The following TMEM132B variants were observed in gnomAD, a reference collection of about 807,000 sequenced individuals.
The protein encoded by TMEM132B is transmembrane protein 132B.
Under a neutral mutation model 90.8 loss-of-function variants are expected in TMEM132B, and 18 were observed. The ratio of observed to expected loss-of-function variants is 0.20; its 90% confidence interval spans 0.14 to 0.29. The LOEUF (loss-of-function observed/expected upper bound fraction) is 0.29. Ranked by LOEUF, TMEM132B falls within the 10% of genes least tolerant of loss-of-function variation. TMEM132B has a pLI of 1.00. For synonymous variants in TMEM132B, 504 were observed against 523.3 expected (o/e 0.96, Z 0.50); for missense variants, 1,096 against 1,326.8 (o/e 0.83, Z 2.70).
chr12:125,633,154 T>C (rs1886405517), intron 5 of TMEM132B, among the ~76,000 whole-genome samples: 1 of 152,248 alleles, frequency 6.6e-6, no homozygotes, highest in African/African-American at 2.4e-5. Flanking sequence ...TCAAATAACT[T>C]GTCTTCAAGC....
At chr12:125,360,503 C>T (rs1274873616) in intron 2 of TMEM132B, among the ~76,000 whole-genome samples, 1 of 152,186 alleles carries the variant, frequency 6.6e-6, no homozygotes, top group East Asian at 1.9e-4. Context: ...TCACATTAGA[C>T]ATCGTTAGAC....
At chr12:125,384,737 G>T (rs566490272) in intron 2 of TMEM132B, among the ~76,000 whole-genome samples, 3 of 152,046 alleles carry the variant, frequency 2.0e-5, no homozygotes, top group Admixed American at 6.5e-5. Context: ...TGCAACCTCT[G>T]CCTCCGAAGT....
At chr12:125,575,829 A>G (rs1884929399) in intron 4 of TMEM132B, among the ~76,000 whole-genome samples, 1 of 152,036 alleles carries the variant, frequency 6.6e-6, no homozygotes, top group African/African-American at 2.4e-5. Flanking sequence ...TTCTTTCACC[A>G]TTGAATTATC....
intron 1 of TMEM132B, among the ~76,000 whole-genome samples, chr12:125,260,726 T>A (rs183399234): frequency 1.4e-3 from 210 of 152,302 alleles, no homozygotes; most frequent in Non-Finnish European, 2.2e-3. Context: ...TGGTTTGTTG[T>A]GCTGGTTATA....
rs114151070 is a variant in TMEM132B, at chr12:125,303,264, C to T, written c.68-46188C>T. Among the ~76,000 whole-genome samples the T allele has an allele frequency of 3.7e-3, 561 of 152,172 alleles. 10 individuals are homozygous for T. The highest frequency in any genetic ancestry group is 0.013 in the African/African-American group (528 of 41,518). On this transcript the variant is annotated intron_variant, in intron 1 of 8. Coordinates refer to ENST00000682704, the MANE Select transcript of TMEM132B (RefSeq NM_001366854.1). The stretch of plus-strand genomic sequence containing the variant: ...CACACAATATTTGTCCTTTAGTGTC[C>T]GGCTTCCTATATTTAACATAATGTT...
At chr12:125,470,863 G>A (rs1312018204) in intron 3 of TMEM132B, among the ~76,000 whole-genome samples, 1 of 152,106 alleles carries the variant, frequency 6.6e-6, no homozygotes, top group African/African-American at 2.4e-5. Context: ...CCCTCCTTCA[G>A]CAATCCTGTC....
intron 1 of TMEM132B, among the ~76,000 whole-genome samples, chr12:125,288,762 C>T (rs540830836): frequency 6.6e-6 from 1 of 152,298 alleles, no homozygotes. Flanking sequence ...GCCGGTACCA[C>T]TCACTCCCCA....
intron 1 of TMEM132B, among the ~76,000 whole-genome samples, chr12:125,328,420 T>C (rs1876658177): frequency 6.6e-6 from 1 of 152,214 alleles, no homozygotes; most frequent in Admixed American, 6.5e-5. Context: ...TGTGTTAGTC[T>C]CCTGGGGCAT....
At chr12:125,467,966 A>G (rs746892307) in intron 3 of TMEM132B, among the ~76,000 whole-genome samples, 1 of 151,764 alleles carries the variant, frequency 6.6e-6, no homozygotes, top group South Asian at 2.1e-4. Context: ...ACCTAATATT[A>G]TTCATTTTAT....
At position 125,416,649 on chromosome 12, in the gene TMEM132B, C is replaced by A. The variant is rs554609741; in HGVS notation, c.1106+972C>A. ...TCTCTTCTTGGGTGACCCCAGCCAA[C>A]CCCAGCTAGAACTCTCTTCTGCCTG... On this transcript the variant is annotated intron_variant, in intron 3 of 8. Coordinates refer to ENST00000682704, the MANE Select transcript of TMEM132B (RefSeq NM_001366854.1). 2.0e-5 allele frequency among the ~76,000 whole-genome samples: 3 copies of A among 152,340 alleles called. No homozygotes were observed. The South Asian group carries it at 6.2e-4, about 32-fold the overall frequency.
chr12:125,333,484 T>A (rs1021415506), intron 1 of TMEM132B, among the ~76,000 whole-genome samples: 2 of 152,230 alleles, frequency 1.3e-5, no homozygotes, highest in Non-Finnish European at 2.9e-5. Flanking sequence ...AGTCTGAAGC[T>A]GTTTCAACCT....
At chr12:125,400,444 G>T (rs756343666) in intron 2 of TMEM132B, among the ~76,000 whole-genome samples, 1 of 152,202 alleles carries the variant, frequency 6.6e-6, no homozygotes, top group African/African-American at 2.4e-5. Flanking sequence ...AGCACCAGTT[G>T]TCTGTTTATC....
At chr12:125,203,676 CT>C (rs1873118457) in intron 1 of TMEM132B, among the ~76,000 whole-genome samples, 1 of 152,156 alleles carries the variant, frequency 6.6e-6, no homozygotes. Flanking sequence ...CCATAAAGCA[CT>C]TTAAAATATT....
chr12:125,612,718 T>A (rs1337423512), intron 5 of TMEM132B, among the ~76,000 whole-genome samples: 3 of 143,650 alleles, frequency 2.1e-5, no homozygotes, highest in African/African-American at 7.5e-5. Flanking sequence ...TCTGGCTTTC[T>A]TATGGTTGTT....
At chr12:125,229,242 C>A (rs1256794015) in intron 1 of TMEM132B, among the ~76,000 whole-genome samples, 1 of 152,216 alleles carries the variant, frequency 6.6e-6, no homozygotes, top group Non-Finnish European at 1.5e-5. Context: ...GATAAGGTCA[C>A]CATTTTCTAG....
chr12:125,648,326 C>T (rs116192301), intron 6 of TMEM132B, among the ~76,000 whole-genome samples: 1,570 of 152,058 alleles, frequency 0.01, 33 homozygotes, highest in African/African-American at 0.036. Context: ...GGGTTAAAAG[C>T]GGTCAGGGTA....
At chr12:125,541,135 G>C (rs1371815388) in intron 4 of TMEM132B, among the ~76,000 whole-genome samples, 3 of 152,160 alleles carry the variant, frequency 2.0e-5, no homozygotes, top group Non-Finnish European at 4.4e-5. Flanking sequence ...TGGAGAGAAC[G>C]ACCAACTCCT....
In TMEM132B at chr12:125,380,438, A is replaced by C. The variant is rs185521218; in HGVS notation, c.959+30095A>C. Among the ~76,000 whole-genome samples the C allele has an allele frequency of 1.1e-3, 170 of 152,326 alleles. 1 individual carries two copies. The highest frequency in any genetic ancestry group is 0.01 in the Middle Eastern group (3 of 294). On this transcript the variant is annotated intron_variant, in intron 2 of 8. Coordinates refer to ENST00000682704, the MANE Select transcript of TMEM132B (RefSeq NM_001366854.1). ...ATTCACAGGTTCTGGATGGACATAT[A>C]TTTTGGGGGCCATCATTCAACCCAC... is the stretch of plus-strand genomic sequence containing the variant.
chr12:125,239,951 T>A (rs533831269), intron 1 of TMEM132B, among the ~76,000 whole-genome samples: 20 of 152,310 alleles, frequency 1.3e-4, no homozygotes, highest in African/African-American at 4.3e-4. Flanking sequence ...GGCTTCCAGA[T>A]GGTGGTTGTG....
Sources: gnomAD v4.1 joint callset for allele counts (sites outside exome capture counted in the v4.1 genomes callset) on GRCh38, gnomAD v4.1.1 for gene constraint, MANE v1.5 for transcripts, NCBI Gene and HGNC (gene_info 2026-07-23, HGNC 2026-07-21) for gene names.